ETS1: variants seen among roughly 807,000 people sequenced by gnomAD.
ETS1 encodes the protein protein C-ets-1.
Under a neutral mutation model 58.6 loss-of-function variants are expected in ETS1, and 15 were observed. The ratio of observed to expected loss-of-function variants is 0.26; its 90% CI spans 0.17 to 0.39. The LOEUF (loss-of-function observed/expected upper bound fraction) is 0.39. Among genes scored for constraint, ETS1 ranks in the 10% least tolerant of loss-of-function variants. ETS1 has a pLI of 1.00. For missense variants in ETS1, 417 were observed against 610.5 expected (o/e 0.68, Z 3.34); for synonymous variants, 214 against 218.2 (o/e 0.98, Z 0.17).
At chr11:128,507,755 C>A (rs1234580015) in intron 3 of ETS1, among the ~76,000 whole-genome samples, 1 of 152,180 alleles carries the variant, frequency 6.6e-6, no homozygotes, top group African/African-American at 2.4e-5. Flanking sequence ...GCTGCCAGGT[C>A]TTCACTGACC....
chr11:128,552,807 C>A (rs1360816258), intron 3 of ETS1, among the ~76,000 whole-genome samples: 1 of 152,204 alleles, frequency 6.6e-6, no homozygotes, highest in Non-Finnish European at 1.5e-5. Context: ...TAGGTCTAGG[C>A]ACCACTCTGA....
At chr11:128,508,534 G>A (rs1372872987) in intron 3 of ETS1, among the ~76,000 whole-genome samples, 2 of 152,122 alleles carry the variant, frequency 1.3e-5, no homozygotes, top group Admixed American at 6.5e-5. Context: ...TGAAAGGGAC[G>A]CTGTGTGATT....
intron 8 of ETS1, among the ~76,000 whole-genome samples, chr11:128,468,976 A>G (rs912017729): frequency 2.0e-5 from 3 of 152,202 alleles, no homozygotes; most frequent in Admixed American, 2.0e-4. Context: ...GGTACTCATT[A>G]AATATTTTCT....
chr11:128,580,737 C>T (rs191292553), intron 1 of ETS1, among the ~76,000 whole-genome samples: 7 of 152,304 alleles, frequency 4.6e-5, no homozygotes, highest in Admixed American at 1.3e-4. Flanking sequence ...TTTATTCTTT[C>T]ACTAAGGTTA....
At chr11:128,500,801 T>A (rs1863068654) in intron 3 of ETS1, among the ~76,000 whole-genome samples, 1 of 152,120 alleles carries the variant, frequency 6.6e-6, no homozygotes, top group African/African-American at 2.4e-5. Context: ...TGCTCCAGCT[T>A]CCAGATCCAC....
intron 2 of ETS1, among the ~76,000 whole-genome samples, chr11:128,563,910 C>T (rs893862769): frequency 2.0e-5 from 3 of 152,198 alleles, no homozygotes; most frequent in Non-Finnish European, 4.4e-5. Flanking sequence ...TGCTTAAACC[C>T]TTCCTCCTGG....
intron 8 of ETS1, among the ~76,000 whole-genome samples, chr11:128,471,375 C>G (rs1862183961): frequency 6.6e-6 from 1 of 152,224 alleles, no homozygotes; most frequent in Non-Finnish European, 1.5e-5. Context: ...TGTTTTTGCT[C>G]TGGCTCTGCA....
intron 3 of ETS1, among the ~76,000 whole-genome samples, chr11:128,519,378 G>T (rs1384010347): frequency 2.0e-5 from 3 of 152,144 alleles, no homozygotes; most frequent in African/African-American, 7.2e-5. Context: ...GAAAATTCTG[G>T]TTTAATCATT....
intron 2 of ETS1, 104 bp from the exon 3 acceptor site, chr11:128,556,539 T>C: frequency 1.4e-6 from 1 of 739,906 alleles, no homozygotes; most frequent in Non-Finnish European, 2.1e-6. Context: ...TAAGTAAGAA[T>C]CATCTATAGA....
intron 8 of ETS1, among the ~76,000 whole-genome samples, chr11:128,467,138 C>G (rs1034161089): frequency 1.3e-5 from 2 of 152,216 alleles, no homozygotes; most frequent in Non-Finnish European, 2.9e-5. Context: ...AAATGTTCTT[C>G]CAGCCAGAAA....
intron 3 of ETS1, among the ~76,000 whole-genome samples, chr11:128,540,701 T>C (rs1436454019): frequency 1.3e-5 from 2 of 152,136 alleles, no homozygotes; most frequent in African/African-American, 4.8e-5. Context: ...AAACTCCAAA[T>C]GGAATTTAAA....
At chr11:128,492,381 G>A (rs142781957) in intron 3 of ETS1, among the ~76,000 whole-genome samples, 9 of 152,310 alleles carry the variant, frequency 5.9e-5, no homozygotes, top group Non-Finnish European at 1.3e-4. Flanking sequence ...TTTCTCTCTT[G>A]TTTGCTTTTA....
Position 128,583,130 on chromosome 11 carries a change from G to A in ETS1, c.-15+4358C>T, listed in dbSNP as rs554499773. Among the ~76,000 whole-genome samples the A allele has an allele frequency of 6.1e-4, 93 of 152,262 alleles. No homozygotes were observed. The Middle Eastern group carries it at 0.02, about 33-fold the overall frequency. Reference sequence around the variant, plus strand: ...CAAGCTCCCACGTGGTGCTGATGCCGCAGGTCAGAGGACTTCACTGTGAGT... The same window carrying A: ...CAAGCTCCCACGTGGTGCTGATGCCACAGGTCAGAGGACTTCACTGTGAGT... On this transcript the variant is annotated intron_variant, in intron 1 of 9. Coordinates refer to ENST00000392668, the MANE Select transcript of ETS1 (RefSeq NM_001143820.2).
rs58228263 is a variant in ETS1, at chr11:128,464,355, GACACACACACACAC to G, written c.1124-742_1124-729del. Among the ~76,000 whole-genome samples, 12,028 of 144,958 alleles carry G rather than the reference GACACACACACACAC, an allele frequency of 0.083. 806 individuals are homozygous for G. Among genetic ancestry groups the G allele is most frequent in the African/African-American group, 0.2 (7,779 of 39,332 alleles). On this transcript the variant is annotated intron_variant, in intron 8 of 9. Coordinates refer to ENST00000392668, the MANE Select transcript of ETS1 (RefSeq NM_001143820.2). This position sits in a 1 kb window ranked among gnomAD's most constrained non-coding sequence, Gnocchi z 4.1. ...CATAGGTTCAGTATATTCTAAATTA[GACACACACACACAC>G]ACACACACACACACACACACACACA...
intron 5 of ETS1, among the ~76,000 whole-genome samples, chr11:128,488,482 G>A (rs138955033): frequency 4.6e-5 from 7 of 152,278 alleles, no homozygotes; most frequent in African/African-American, 9.6e-5. Flanking sequence ...GGTTAGAGCT[G>A]ATGACCACAG....
chr11:128,578,974 A>T (rs1264653213), intron 1 of ETS1, among the ~76,000 whole-genome samples: 1 of 152,228 alleles, frequency 6.6e-6, no homozygotes, highest in Admixed American at 6.5e-5. Flanking sequence ...CATTTTGGGG[A>T]CAAAGAAAAT....
chr11:128,550,847 G>A (rs1465605821), intron 3 of ETS1, among the ~76,000 whole-genome samples: 4 of 152,224 alleles, frequency 2.6e-5, no homozygotes, highest in Non-Finnish European at 4.4e-5. Context: ...CATTAGCATA[G>A]ACAGTTCCTC....
rs547565452 is a variant in ETS1 at position 128,556,470 on chromosome 11, A to T, written c.70-35T>A. ...AAAAAATAGAAGAAAATATATTAGGAGGAAAATCTCTGTTGTTTAGCCCTA... is the reference window on the plus strand; with the variant it reads ...AAAAAATAGAAGAAAATATATTAGGTGGAAAATCTCTGTTGTTTAGCCCTA... On this transcript the variant is annotated intron_variant, in intron 2 of 9. Coordinates refer to ENST00000392668, the MANE Select transcript of ETS1 (RefSeq NM_001143820.2). 4.0e-5 allele frequency: 59 copies of T among 1,478,864 alleles called. 2 individuals are homozygous for T. In the South Asian group the frequency reaches 7.2e-4, roughly 18 times the overall value. 91.6% of individuals were successfully genotyped at this position (1,478,864 alleles called of 1,614,324 possible). A position where few individuals can be genotyped will look rare whatever the true frequency, so the allele number is the denominator to read the frequency against.
In ETS1 at chr11:128,463,457, G is replaced by T; in HGVS notation, c.1242+52C>A. 9.3e-7 allele frequency: 1 copy of T among 1,080,176 alleles called. No individual in the cohort carries two copies. The highest frequency in any genetic ancestry group is 1.4e-6 in the Non-Finnish European group (1 of 696,342). 66.9% of individuals were successfully genotyped at this position (1,080,176 alleles called of 1,614,324 possible). ...CAGGCCCACGCCACCCCTTCCAGGA[G>T]TTTTCTCTCATCCTTCCTCAACACA... On this transcript the variant is annotated intron_variant, in intron 9 of 9. Coordinates refer to ENST00000392668, the MANE Select transcript of ETS1 (RefSeq NM_001143820.2). This position sits in a 1 kb window ranked among gnomAD's most constrained non-coding sequence, Gnocchi z 4.1.
Sources: gnomAD v4.1 joint callset for allele counts (sites outside exome capture counted in the v4.1 genomes callset) on GRCh38, gnomAD v4.1.1 for gene constraint, Gnocchi (gnomAD v3.1) non-coding constraint, MANE v1.5 for transcripts, NCBI Gene and HGNC (gene_info 2026-07-23, HGNC 2026-07-21) for gene names.